COX6A2: variants seen among roughly 807,000 people sequenced by gnomAD.
COX6A2 encodes cytochrome c oxidase subunit 6A2, mitochondrial.
In COX6A2, 5 loss-of-function variants were observed where a neutral mutation model predicts 7.2. That is an observed-to-expected ratio of 0.69 (90% CI 0.36 to 1.45). The LOEUF is 1.45. Among genes scored for constraint, COX6A2 ranks in the 40% most tolerant of loss-of-function variants. The pLI is 0.03. For missense variants in COX6A2, 174 were observed against 137.7 expected (o/e 1.26, Z -1.32); for synonymous variants, 63 against 55.9 (o/e 1.13, Z -0.56).
At chr16:31,427,963 C>G (rs1337341573) in intron 2 of COX6A2, 52 bp downstream of exon 2, 8 of 813,066 alleles carry the variant, frequency 9.8e-6, no homozygotes, top group Non-Finnish European at 1.1e-5. Flanking sequence ...CCGCAGCACC[C>G]CCCCCCGCCC....
chr16:31,427,785 C>T lies in COX6A2; in HGVS notation c.283G>A (p.Glu95Lys). ...GGGCGTCCGGGGCCTCAGGGGTGTT[C>T]GTAGCCCGTGGGCAGAGGGTTCACG... ...SHVNPLPTGY[E>K]HP Residue 95 changes from glutamate to lysine, a missense_variant, in exon 3 of 3, where the codon GAA (glutamate) becomes AAA (lysine). By Grantham distance (56) the Glu-to-Lys change is moderately conservative. Coordinates refer to ENST00000287490, the MANE Select transcript of COX6A2 (RefSeq NM_005205.4). 1 of 1,413,060 alleles carries T rather than the reference C, an allele frequency of 7.1e-7. No homozygotes were observed. The highest frequency in any genetic ancestry group is 9.3e-7 in the Non-Finnish European group (1 of 1,080,342). The allele number at this position is 1,413,060 out of a possible 1,614,324, so 87.5% of individuals were successfully genotyped here. A position where few individuals can be genotyped will look rare whatever the true frequency, so the allele number is the denominator to read the frequency against.
At chr16:31,428,173 C>T (rs771706165) in intron 1 of COX6A2, 22 bp from the exon 2 acceptor site, 1 of 1,562,650 alleles carries the variant, frequency 6.4e-7, no homozygotes, top group Non-Finnish European at 8.7e-7. Context: ...GCGGGGTGAG[C>T]GCGGCGGTCC....
intron 2 of COX6A2, 52 bp from the exon 3 acceptor site, chr16:31,427,909 C>A: frequency 5.0e-6 from 1 of 198,630 alleles, no homozygotes; most frequent in Non-Finnish European, 6.4e-6. Flanking sequence ...AGTCCGGAGT[C>A]CGCGCCCCGC....
chr16:31,427,861 TG>T lies in COX6A2; in HGVS notation c.211-5del. On this transcript the variant is annotated splice_polypyrimidine_tract_variant and splice_region_variant and intron_variant, in intron 2 of 2. Coordinates refer to ENST00000287490, the MANE Select transcript of COX6A2 (RefSeq NM_005205.4). ...TGCCGTCCCCCCAGGGGTAGGGCTG[TG>T]GAGAGAGCGGGGGAGGGAGCGCGCG... 1 of 1,324,106 alleles carries T rather than the reference TG, an allele frequency of 7.6e-7. No homozygotes were observed. Among genetic ancestry groups the T allele is most frequent in the South Asian group, 2.1e-5 (1 of 46,890 alleles). 82.0% of individuals were successfully genotyped at this position (1,324,106 alleles called of 1,614,324 possible).
Position 31,428,353 on chromosome 16 carries a change from C to T in COX6A2, c.-28G>A, listed in dbSNP as rs749748326. ...TGGTGCGGGGAGCCGGGAACCAGCG[C>T]TGTCCTCGCTCCCTTTCCTGGGGCC... On this transcript the variant is annotated 5_prime_UTR_variant, in exon 1 of 3. Coordinates refer to ENST00000287490, the MANE Select transcript of COX6A2 (RefSeq NM_005205.4). 6.4e-7 allele frequency: 1 copy of T among 1,567,692 alleles called. No individual in the cohort carries two copies.
rs1597176458 is a variant in COX6A2 at position 31,427,925 on chromosome 16, C to CA, written c.211-69_211-68insT. 9.6e-3 allele frequency: 187 copies of CA among 19,520 alleles called. 21 individuals carry two copies. The highest frequency in any genetic ancestry group is 0.095 in the East Asian group (127 of 1,330). The allele number at this position is 19,520 out of a possible 1,614,324, so 1.2% of individuals were successfully genotyped here. ...GTCCGGAGTCCGCGCCCCGCGCGACCCCCCCCCCGCAGCACCCCCCCCCGC... is the reference window on the plus strand; with the variant it reads ...GTCCGGAGTCCGCGCCCCGCGCGACCACCCCCCCCGCAGCACCCCCCCCCGC... On this transcript the variant is annotated intron_variant, in intron 2 of 2. Transcript: ENST00000287490.
At position 31,428,047 on chromosome 16, in the gene COX6A2, G is replaced by C; in HGVS notation, c.178C>G (p.Arg60Gly). The C allele has an allele frequency of 6.5e-7, 1 of 1,539,960 alleles. No individual in the cohort carries two copies. The highest frequency in any genetic ancestry group is 2.5e-5 in the East Asian group (1 of 40,274). ...CGGATGCGGAGGTGTTGGTAGGGAC[G>C]GAACTCGGGGCGCGGGCGGTGGCCC... ...HSGHRPRPEFRPYQHLRIRTK... is the reference protein window; with the variant it reads ...HSGHRPRPEFGPYQHLRIRTK... Residue 60 changes from arginine (R) to glycine (G), a missense_variant, in exon 2 of 3, where the codon CGT (arginine) becomes GGT (glycine). Transcript: ENST00000287490.
In COX6A2 at chr16:31,428,150, A is replaced by G. The variant is rs1009427334; in HGVS notation, c.75T>C (p.Ala25=). The G allele has an allele frequency of 6.4e-7, 1 of 1,571,644 alleles. No homozygotes were observed. The highest frequency in any genetic ancestry group is 8.6e-7 in the Non-Finnish European group (1 of 1,159,596). The change falls in exon 2 of 3, where the codon GCT becomes GCC. Residue 25 remains alanine (A), a splice_region_variant and synonymous_variant. Transcript: ENST00000287490. ...AAKGGHGGAG[A]RTWRLLTFVL... is the part of the protein sequence containing the mutation. ...CGAAGGTCAGCAGACGCCAGGTACGAGCTGCGGACGGAGCGGGGTGAGCGC... is the reference window on the plus strand; with the variant it reads ...CGAAGGTCAGCAGACGCCAGGTACGGGCTGCGGACGGAGCGGGGTGAGCGC...
Position 31,428,282 on chromosome 16 carries a change from G to C in COX6A2, c.44C>G (p.Ala15Gly), listed in dbSNP as rs956100607. The C allele has an allele frequency of 5.6e-6, 9 of 1,605,574 alleles. No individual in the cohort carries two copies. Among genetic ancestry groups the C allele is most frequent in the South Asian group, 1.1e-5 (1 of 89,206 alleles). The change falls in exon 1 of 3, where the codon GCT becomes GGT. Residue 15 changes from alanine (A) to glycine (G), a missense_variant. Coordinates refer to ENST00000287490, the MANE Select transcript of COX6A2 (RefSeq NM_005205.4). ...TGCTCCTCCGTGGCCTCCTTTGGCAGCGCTGGCCAAGCCCCGGGTCAGGGG... is the reference window on the plus strand; with the variant it reads ...TGCTCCTCCGTGGCCTCCTTTGGCACCGCTGGCCAAGCCCCGGGTCAGGGG... Reference protein sequence around the residue: ...LRPLTRGLASAAKGGHGGAGA... With the variant: ...LRPLTRGLASGAKGGHGGAGA...
At position 31,428,216 on chromosome 16, in the gene COX6A2, G is replaced by A. The variant is rs370671772; in HGVS notation, c.73+37C>T. The A allele has an allele frequency of 1.2e-5, 19 of 1,549,426 alleles. No homozygotes were observed. The East Asian group carries it at 2.9e-4, about 24-fold the overall frequency. ...GCGGGCCTGTGAACAGGTGGGCAGG[G>A]TAGGGGAGCCCCCGGATCCGCCCGT... On this transcript the variant is annotated intron_variant, in intron 1 of 2. Transcript: ENST00000287490.
At chr16:31,428,205 A>T in intron 1 of COX6A2, 48 bp downstream of exon 1, 2 of 1,548,096 alleles carry the variant, frequency 1.3e-6, no homozygotes, top group East Asian at 4.9e-5. Context: ...GCCTGTGAAC[A>T]GGTGGGCAGG....
rs752639598 is a variant in COX6A2, at chr16:31,428,240, G to T, written c.73+13C>A. ...GGTAGGGGAGCCCCCGGATCCGCCC[G>T]TTCCCCACTCACCTCCTGCTCCTCC... On this transcript the variant is annotated intron_variant, in intron 1 of 2. Coordinates refer to ENST00000287490, the MANE Select transcript of COX6A2 (RefSeq NM_005205.4). The T allele has an allele frequency of 5.1e-6, 8 of 1,581,082 alleles. No homozygotes were observed. The South Asian group carries it at 7.0e-5, about 14-fold the overall frequency.
At chr16:31,427,982 C>T (rs1163115266) in intron 2 of COX6A2, 33 bp downstream of exon 2, 1 of 1,266,734 alleles carries the variant, frequency 7.9e-7, no homozygotes, top group African/African-American at 1.6e-5. Flanking sequence ...CCCCGCAGCA[C>T]CCCCGTGCCG....
In COX6A2 at chr16:31,428,276, T is replaced by C. The variant is rs1284150426; in HGVS notation, c.50A>G (p.Lys17Arg). The stretch of plus-strand genomic sequence containing the variant: ...ACCTCCTGCTCCTCCGTGGCCTCCT[T>C]TGGCAGCGCTGGCCAAGCCCCGGGT... ...PLTRGLASAA[K>R]GGHGGAGART... The change falls in exon 1 of 3, where the codon AAA (lysine) becomes AGA (arginine). Residue 17 changes from lysine (K) to arginine (R), a missense_variant. Transcript: ENST00000287490. 1 of 1,604,688 alleles carries C rather than the reference T, an allele frequency of 6.2e-7. No individual in the cohort carries two copies. The highest frequency in any genetic ancestry group is 1.7e-5 in the Admixed American group (1 of 58,958).
Position 31,428,351 on chromosome 16 carries a change from C to G in COX6A2, c.-26G>C. 1 of 1,566,496 alleles carries G rather than the reference C, an allele frequency of 6.4e-7. No individual in the cohort carries two copies. The highest frequency in any genetic ancestry group is 8.7e-7 in the Non-Finnish European group (1 of 1,155,712). ...GATGGTGCGGGGAGCCGGGAACCAGCGCTGTCCTCGCTCCCTTTCCTGGGG... is the reference window on the plus strand; with the variant it reads ...GATGGTGCGGGGAGCCGGGAACCAGGGCTGTCCTCGCTCCCTTTCCTGGGG... On this transcript the variant is annotated 5_prime_UTR_variant, in exon 1 of 3. Coordinates refer to ENST00000287490, the MANE Select transcript of COX6A2 (RefSeq NM_005205.4).
rs2082147594 is a variant in COX6A2, at chr16:31,427,874, G to C, written c.211-17C>G. The C allele has an allele frequency of 3.0e-6, 4 of 1,338,732 alleles. No individual in the cohort carries two copies. The highest frequency in any genetic ancestry group is 3.8e-6 in the Non-Finnish European group (4 of 1,039,444). 82.9% of individuals were successfully genotyped at this position (1,338,732 alleles called of 1,614,324 possible). On this transcript the variant is annotated splice_polypyrimidine_tract_variant and intron_variant, in intron 2 of 2. Coordinates refer to ENST00000287490, the MANE Select transcript of COX6A2 (RefSeq NM_005205.4). ...GGGGTAGGGCTGTGGAGAGAGCGGG[G>C]GAGGGAGCGCGCGTGAGCGCCGTGA...
At position 31,427,860 on chromosome 16, in the gene COX6A2, G is replaced by A. The variant is rs113241571; in HGVS notation, c.211-3C>T. On this transcript the variant is annotated splice_region_variant and splice_polypyrimidine_tract_variant and intron_variant, in intron 2 of 2. Coordinates refer to ENST00000287490, the MANE Select transcript of COX6A2 (RefSeq NM_005205.4). ...TTGCCGTCCCCCCAGGGGTAGGGCT[G>A]TGGAGAGAGCGGGGGAGGGAGCGCG... The A allele has an allele frequency of 2.2e-6, 3 of 1,382,272 alleles. No individual in the cohort carries two copies. The highest frequency in any genetic ancestry group is 3.0e-5 in the Admixed American group (1 of 33,398). The allele number at this position is 1,382,272 out of a possible 1,614,324, so 85.6% of individuals were successfully genotyped here.
chr16:31,428,002 C>T lies in COX6A2; in HGVS notation c.210+13G>A. The T allele has an allele frequency of 7.2e-7, 1 of 1,394,462 alleles. No homozygotes were observed. The highest frequency in any genetic ancestry group is 9.4e-7 in the Non-Finnish European group (1 of 1,065,562). The allele number at this position is 1,394,462 out of a possible 1,614,324, so 86.4% of individuals were successfully genotyped here. ...CAGCACCCCCGTGCCGCCCGCGCGCCCGTCCCGCGTACCTTGGTGCGGATG... is the reference window on the plus strand; with the variant it reads ...CAGCACCCCCGTGCCGCCCGCGCGCTCGTCCCGCGTACCTTGGTGCGGATG... On this transcript the variant is annotated intron_variant, in intron 2 of 2. Transcript: ENST00000287490.
In COX6A2 at chr16:31,428,299, G is replaced by C. The variant is rs763978974; in HGVS notation, c.27C>G (p.Thr9=). MALPLRPL[T]RGLASAAKGG... ...CTTTGGCAGCGCTGGCCAAGCCCCG[G>C]GTCAGGGGCCTCAGAGGCAAAGCCA... Residue 9 remains threonine, a synonymous_variant, in exon 1 of 3, where the codon ACC becomes ACG. Coordinates refer to ENST00000287490, the MANE Select transcript of COX6A2 (RefSeq NM_005205.4). 6.2e-7 allele frequency: 1 copy of C among 1,607,040 alleles called. No individual in the cohort carries two copies. Among genetic ancestry groups the C allele is most frequent in the Non-Finnish European group, 8.5e-7 (1 of 1,177,188 alleles).
Sources: gnomAD v4.1 joint callset for allele counts on GRCh38, gnomAD v4.1.1 for gene constraint, MANE v1.5 for transcripts, NCBI Gene and HGNC (gene_info 2026-07-23, HGNC 2026-07-21) for gene names.